NAV2: variants seen among roughly 807,000 people sequenced by gnomAD.
The protein encoded by NAV2 is neuron navigator 2.
NAV2 carries 54 observed loss-of-function variants against 223.2 expected under a neutral mutation model. The ratio of observed to expected loss-of-function variants is 0.24; its 90% CI spans 0.19 to 0.30. The LOEUF (loss-of-function observed/expected upper bound fraction) is 0.30, where lower values mean the gene tolerates loss of function less well. Among genes scored for constraint, NAV2 ranks in the 10% least tolerant of loss-of-function variants. The pLI, the probability that NAV2 is intolerant of heterozygous loss-of-function variation, is 1.00. For missense variants in NAV2, 2,806 were observed against 3,147.5 expected (o/e 0.89, Z 2.60); for synonymous variants, 1,279 against 1,239.3 (o/e 1.03, Z -0.67).
chr11:19,397,527 G>A (rs758291163), intron 1 of NAV2, among the ~76,000 whole-genome samples: 5 of 152,070 alleles, frequency 3.3e-5, no homozygotes, highest in Non-Finnish European at 5.9e-5. Context: ...TCTGGTACAT[G>A]TGTTTATGGA....
At chr11:19,947,447 G>C (rs2047022445) in intron 9 of NAV2, among the ~76,000 whole-genome samples, 1 of 152,246 alleles carries the variant, frequency 6.6e-6, no homozygotes, top group Non-Finnish European at 1.5e-5. Flanking sequence ...AGGGGAGTCA[G>C]ATATTGGATC....
At chr11:20,018,247 G>A (rs148264412) in intron 11 of NAV2, among the ~76,000 whole-genome samples, 3 of 151,708 alleles carry the variant, frequency 2.0e-5, no homozygotes, top group Non-Finnish European at 2.9e-5. Context: ...CCAGCTGTTC[G>A]GGAGGCTGAG....
chr11:19,945,390 CT>C (rs2046858699), intron 8 of NAV2, among the ~76,000 whole-genome samples: 2 of 151,562 alleles, frequency 1.3e-5, no homozygotes, highest in Non-Finnish European at 2.9e-5. Flanking sequence ...CTCCCTTCCT[CT>C]TTTCCTCCCT....
intron 6 of NAV2, among the ~76,000 whole-genome samples, chr11:19,930,336 T>G (rs1003466247): frequency 2.0e-5 from 3 of 152,192 alleles, no homozygotes; most frequent in African/African-American, 7.2e-5. Flanking sequence ...GAAATTATAG[T>G]GGAGACATCC....
At position 19,835,614 on chromosome 11, in the gene NAV2, G is replaced by A. The variant is rs187445990; in HGVS notation, c.385+3013G>A. On this transcript the variant is annotated intron_variant, in intron 2 of 37. Coordinates refer to ENST00000349880, the MANE Select transcript of NAV2 (RefSeq NM_145117.5). ...TTTGCTTTTCAAGTCCATGCTTTCC[G>A]CCATACATGCCCATTAAAAGAAAAT... Among the ~76,000 whole-genome samples, 12 of 151,906 alleles carry A rather than the reference G, an allele frequency of 7.9e-5. No homozygotes were observed. The East Asian group carries it at 9.7e-4, about 12-fold the overall frequency.
intron 1 of NAV2, among the ~76,000 whole-genome samples, chr11:19,429,806 C>A: frequency 6.6e-6 from 1 of 152,168 alleles, no homozygotes; most frequent in East Asian, 1.9e-4. Flanking sequence ...ACCGTGCAAC[C>A]AGTTTGCTGA....
At chr11:19,463,681 G>C (rs1025396261) in intron 1 of NAV2, among the ~76,000 whole-genome samples, 1 of 152,218 alleles carries the variant, frequency 6.6e-6, no homozygotes, top group African/African-American at 2.4e-5. Flanking sequence ...GCTGAGTCTG[G>C]AAGGACAAAT....
chr11:19,933,078 G>C lies in NAV2; in HGVS notation c.932-98G>C. Reference sequence around the variant, plus strand: ...GGCAATGGAGCTATACGGCATTTGGGTTGGGAGTGATTGGTTGTGTGGCCA... The same window carrying C: ...GGCAATGGAGCTATACGGCATTTGGCTTGGGAGTGATTGGTTGTGTGGCCA... On this transcript the variant is annotated intron_variant, in intron 6 of 37. Coordinates refer to ENST00000349880, the MANE Select transcript of NAV2 (RefSeq NM_145117.5). The surrounding 1 kb of genome is among the most constrained non-coding windows in gnomAD (Gnocchi z 4.3). 7.1e-7 allele frequency: 1 copy of C among 1,400,402 alleles called. No homozygotes were observed. Among genetic ancestry groups the C allele is most frequent in the Admixed American group, 2.5e-5 (1 of 40,130 alleles). 86.7% of individuals were successfully genotyped at this position (1,400,402 alleles called of 1,614,324 possible).
intron 20 of NAV2, among the ~76,000 whole-genome samples, chr11:20,065,307 G>A (rs1441930548): frequency 2.0e-5 from 3 of 152,206 alleles, no homozygotes; most frequent in African/African-American, 7.2e-5. Context: ...CCTGCTGAGA[G>A]TTTTAAAGGC....
intron 1 of NAV2, among the ~76,000 whole-genome samples, chr11:19,635,991 G>A (rs1000164344): frequency 6.6e-6 from 1 of 152,188 alleles, no homozygotes; most frequent in Non-Finnish European, 1.5e-5. Context: ...AGCTAGAATA[G>A]CTTTTAGGTC....
chr11:19,922,878 G>A (rs1436690045), intron 6 of NAV2, among the ~76,000 whole-genome samples: 1 of 152,120 alleles, frequency 6.6e-6, no homozygotes, highest in Non-Finnish European at 1.5e-5. Context: ...TATAACCCAA[G>A]ATCCCATGGA....
intron 1 of NAV2, among the ~76,000 whole-genome samples, chr11:19,621,441 T>C (rs1431427924): frequency 6.6e-6 from 1 of 152,208 alleles, no homozygotes. Context: ...GAGCCTGTTA[T>C]TGGTCTATTC....
At chr11:19,989,099 G>T (rs554287253) in intron 11 of NAV2, among the ~76,000 whole-genome samples, 56 of 152,268 alleles carry the variant, frequency 3.7e-4, no homozygotes, top group African/African-American at 1.2e-3. Flanking sequence ...GCCTGTGGTA[G>T]GTGTAATAAT....
intron 11 of NAV2, among the ~76,000 whole-genome samples, chr11:20,017,732 T>C (rs10500867): frequency 0.9 from 136,423 of 152,174 alleles, 61,300 homozygotes; most frequent in East Asian, 1. Flanking sequence ...CTATAATTCT[T>C]GTTGAAAATA....
intron 11 of NAV2, among the ~76,000 whole-genome samples, chr11:20,012,478 T>C (rs572300475): frequency 3.2e-4 from 49 of 151,962 alleles, no homozygotes; most frequent in Admixed American, 9.2e-4. Flanking sequence ...AGTTCAAGAC[T>C]AGCCTGGCCA....
chr11:20,025,756 C>T (rs1459239029), intron 11 of NAV2, among the ~76,000 whole-genome samples: 2 of 152,322 alleles, frequency 1.3e-5, no homozygotes, highest in Middle Eastern at 6.8e-3. Flanking sequence ...GGCCTTGCAC[C>T]TGGCACCGTC....
intron 1 of NAV2, among the ~76,000 whole-genome samples, chr11:19,790,049 GAAA>G (rs771343169): frequency 2.6e-5 from 4 of 152,160 alleles, no homozygotes; most frequent in Non-Finnish European, 5.9e-5. Flanking sequence ...TGCCAAGGGG[GAAA>G]AACCAAGGAT....
intron 10 of NAV2, among the ~76,000 whole-genome samples, chr11:19,983,340 C>T (rs2050463852): frequency 6.6e-6 from 1 of 152,168 alleles, no homozygotes; most frequent in African/African-American, 2.4e-5. Flanking sequence ...GCACTGATTT[C>T]ATCAGAAGAC....
chr11:19,440,591 G>C (rs1188038871), intron 1 of NAV2, among the ~76,000 whole-genome samples: 1 of 152,134 alleles, frequency 6.6e-6, no homozygotes, highest in South Asian at 2.1e-4. Context: ...CATTTATTTG[G>C]TACTGAGGAT....
Sources: allele counts gnomAD v4.1 joint callset (sites outside exome capture counted in the v4.1 genomes callset), GRCh38; gene constraint gnomAD v4.1.1; non-coding constraint Gnocchi (gnomAD v3.1); transcripts MANE v1.5; gene names NCBI Gene and HGNC (gene_info 2026-07-23, HGNC 2026-07-21).